Variants in ANK2 observed in about 807,000 individuals in gnomAD.
ANK2 encodes the protein ankyrin-2.
A neutral mutation model predicts 360.5 loss-of-function variants in ANK2; 83 were observed. The observed-to-expected ratio is 0.23, with a 90% confidence interval of 0.19 to 0.28. The LOEUF (loss-of-function observed/expected upper bound fraction) is 0.28, where lower values mean the gene tolerates loss of function less well. Among genes scored for constraint, ANK2 ranks in the 10% least tolerant of loss-of-function variants. ANK2 has a pLI of 1.00. For synonymous variants in ANK2, 1,740 were observed against 1,759.5 expected (o/e 0.99, Z 0.28); for missense variants, 4,201 against 4,795.7 (o/e 0.88, Z 3.66).
the ANK2 span, among the ~76,000 whole-genome samples, chr4:112,744,803 T>G: frequency 1.3e-5 from 2 of 152,254 alleles, no homozygotes; most frequent in Non-Finnish European, 2.9e-5. Context: ...CTTGCCAACA[T>G]TAAGCTTTTT....
chr4:113,337,566 C>G (rs1398956688), intron 31 of ANK2, among the ~76,000 whole-genome samples: 4 of 152,160 alleles, frequency 2.6e-5, no homozygotes, highest in African/African-American at 4.8e-5. Context: ...TTAGTAGGAA[C>G]AGTAATCATC....
intron 14 of ANK2, among the ~76,000 whole-genome samples, chr4:113,267,261 C>T (rs1037114802): frequency 9.2e-5 from 14 of 152,256 alleles, no homozygotes; most frequent in African/African-American, 2.9e-4. Context: ...TTAATTAGAT[C>T]CCATTTGTCA....
the ANK2 span, among the ~76,000 whole-genome samples, chr4:112,793,128 CTTAAAA>C: frequency 6.6e-6 from 1 of 152,006 alleles, no homozygotes; most frequent in Non-Finnish European, 1.5e-5. Flanking sequence ...GCAAGAAAAA[CTTAAAA>C]TTAAATTTTT....
intron 1 of ANK2, among the ~76,000 whole-genome samples, chr4:113,097,424 T>A (rs113181604): frequency 9.4e-4 from 143 of 152,198 alleles, no homozygotes; most frequent in African/African-American, 3.3e-3. Context: ...TGCGTTGAGC[T>A]ATTGTCTAAG....
At chr4:113,107,033 G>A (rs946274228) in intron 1 of ANK2, 17 of 428,340 alleles carry the variant, frequency 4.0e-5, no homozygotes, top group African/African-American at 2.7e-4. Flanking sequence ...TTTTCCATTC[G>A]AAACAAAGCT....
At chr4:112,917,246 A>G (rs1373513887) in intron 2 of ANK2, among the ~76,000 whole-genome samples, 3 of 152,388 alleles carry the variant, frequency 2.0e-5, no homozygotes, top group East Asian at 1.9e-4. Context: ...CTCTTTATTG[A>G]TAACTCTCGT....
intron 14 of ANK2, among the ~76,000 whole-genome samples, chr4:113,265,496 C>T (rs1445527828): frequency 6.6e-6 from 1 of 152,066 alleles, no homozygotes; most frequent in Non-Finnish European, 1.5e-5. Context: ...TACTTTTCTT[C>T]TTACTCTGAT....
the ANK2 span, among the ~76,000 whole-genome samples, chr4:112,756,273 C>T: frequency 4.1e-5 from 6 of 145,840 alleles, 1 homozygote; most frequent in African/African-American, 1.7e-4. Context: ...CTCTGCTGTC[C>T]AGAGCACTTG....
At chr4:112,925,229 T>C (rs555053941) in intron 2 of ANK2, among the ~76,000 whole-genome samples, 16 of 152,304 alleles carry the variant, frequency 1.1e-4, no homozygotes, top group African/African-American at 3.1e-4. Flanking sequence ...ATAATCATTA[T>C]TGAGTTTGTG....
the ANK2 span, among the ~76,000 whole-genome samples, chr4:112,758,963 C>A: frequency 1.3e-5 from 2 of 152,024 alleles, no homozygotes; most frequent in Non-Finnish European, 2.9e-5. Flanking sequence ...AGTGCAGAAA[C>A]CTTTTAGGAC....
chr4:112,761,403 G>A, the ANK2 span, among the ~76,000 whole-genome samples: 4 of 152,106 alleles, frequency 2.6e-5, no homozygotes, highest in East Asian at 3.9e-4. Context: ...GGTGGATCAC[G>A]AGGTTAGGAG....
chr4:113,146,277 G>A (rs1409099659), intron 1 of ANK2, among the ~76,000 whole-genome samples: 1 of 152,118 alleles, frequency 6.6e-6, no homozygotes, highest in Non-Finnish European at 1.5e-5. Context: ...TTGGAATTTT[G>A]TCCAAAGGTG....
At chr4:113,207,203 C>G (rs761469245) in intron 4 of ANK2, among the ~76,000 whole-genome samples, 10 of 152,254 alleles carry the variant, frequency 6.6e-5, no homozygotes, top group Admixed American at 5.9e-4. Context: ...AAAATTAATA[C>G]AATTATATTT....
intron 2 of ANK2, among the ~76,000 whole-genome samples, chr4:112,959,561 G>A (rs2033578020): frequency 6.6e-6 from 1 of 152,214 alleles, no homozygotes; most frequent in Non-Finnish European, 1.5e-5. Context: ...ACACTCACAT[G>A]TGATAGGTAG....
intron 2 of ANK2, among the ~76,000 whole-genome samples, chr4:113,000,125 G>A (rs2050095466): frequency 6.6e-6 from 1 of 152,186 alleles, no homozygotes; most frequent in South Asian, 2.1e-4. Flanking sequence ...TTTTAACAAA[G>A]AAAAGGGGGG....
At chr4:113,203,192 G>C (rs1000765318) in intron 4 of ANK2, among the ~76,000 whole-genome samples, 6 of 152,164 alleles carry the variant, frequency 3.9e-5, no homozygotes, top group Non-Finnish European at 8.8e-5. Context: ...CATACGTGAT[G>C]TTGGGATGAT....
At chr4:113,145,874 G>A (rs913111232) in intron 1 of ANK2, 4 of 1,289,670 alleles carry the variant, frequency 3.1e-6, no homozygotes, top group Admixed American at 4.6e-5. Context: ...CTGAGATGGG[G>A]AATGCAGCCC....
At chr4:113,370,796 C>T (rs945421408) in intron 43 of ANK2, among the ~76,000 whole-genome samples, 4 of 152,050 alleles carry the variant, frequency 2.6e-5, no homozygotes, top group Non-Finnish European at 4.4e-5. Context: ...AATTTATTCT[C>T]AAAATGTGGT....
chr4:112,818,496 T>G (rs1480443291), intron 1 of ANK2, among the ~76,000 whole-genome samples: 1 of 152,228 alleles, frequency 6.6e-6, no homozygotes, highest in Non-Finnish European at 1.5e-5. Context: ...TTGCATTTTC[T>G]CTTTCTGTAA....
Sources: allele counts gnomAD v4.1 joint callset (sites outside exome capture counted in the v4.1 genomes callset), GRCh38; gene constraint gnomAD v4.1.1; transcripts MANE v1.5; gene names NCBI Gene and HGNC (gene_info 2026-07-23, HGNC 2026-07-21).